Variants in GALNT17 observed in about 807,000 individuals in gnomAD.
GALNT17 encodes polypeptide N-acetylgalactosaminyltransferase 17, also known as UDP-GalNAc:polypeptide N-acetylgalactosaminyltransferase-like 3.
In GALNT17, 29 loss-of-function variants were observed where a neutral mutation model predicts 63.7. That is an observed-to-expected ratio of 0.46 (90% CI 0.34 to 0.62). GALNT17 has a LOEUF of 0.62. Ranked by LOEUF, GALNT17 falls within the 20% of genes least tolerant of loss-of-function variation. GALNT17 has a pLI of 0.01. For missense variants in GALNT17, 603 were observed against 799.6 expected (o/e 0.75, Z 2.97); for synonymous variants, 305 against 318.3 (o/e 0.96, Z 0.45).
chr7:71,566,926 T>A (rs1238711563), intron 5 of GALNT17, among the ~76,000 whole-genome samples: 1 of 152,094 alleles, frequency 6.6e-6, no homozygotes. Flanking sequence ...TGCCTCCTCC[T>A]TCTGCTCAAT....
At chr7:71,484,013 G>T (rs1207526945) in intron 5 of GALNT17, among the ~76,000 whole-genome samples, 1 of 152,114 alleles carries the variant, frequency 6.6e-6, no homozygotes, top group South Asian at 2.1e-4. Context: ...AATAACACAC[G>T]CATGGAGCTG....
rs553210511 is a variant in GALNT17 at position 71,538,972 on chromosome 7, T to C, written c.963-32313T>C. Reference sequence around the variant, plus strand: ...TGTTTGTTTTTGAGGAGTCTCACTCTGTCGCCCAGGCTGGAGTGCAGTGGC... The same window carrying C: ...TGTTTGTTTTTGAGGAGTCTCACTCCGTCGCCCAGGCTGGAGTGCAGTGGC... On this transcript the variant is annotated intron_variant, in intron 5 of 10. Coordinates refer to ENST00000333538, the MANE Select transcript of GALNT17 (RefSeq NM_022479.3). Among the ~76,000 whole-genome samples, 4 of 152,154 alleles carry C rather than the reference T, an allele frequency of 2.6e-5. 1 individual carries two copies. In the South Asian group the frequency reaches 8.3e-4, roughly 32 times the overall value.
At chr7:71,571,018 CAG>C (rs944318649) in intron 5 of GALNT17, among the ~76,000 whole-genome samples, 3 of 152,088 alleles carry the variant, frequency 2.0e-5, no homozygotes, top group African/African-American at 7.2e-5. Flanking sequence ...TACAGAGTAA[CAG>C]AGAGAGGAGG....
At chr7:71,379,350 T>C (rs181927749) in intron 2 of GALNT17, among the ~76,000 whole-genome samples, 312 of 152,056 alleles carry the variant, frequency 2.1e-3, no homozygotes, top group Non-Finnish European at 3.6e-3. Context: ...CAGAGGAATT[T>C]AAACCTAATT....
intron 1 of GALNT17, among the ~76,000 whole-genome samples, chr7:71,329,970 CGT>C (rs1238823014): frequency 2.8e-5 from 4 of 144,676 alleles, no homozygotes; most frequent in African/African-American, 5.2e-5. Context: ...TATATATATA[CGT>C]ATATGTGTGT....
intron 3 of GALNT17, among the ~76,000 whole-genome samples, chr7:71,389,685 C>T (rs1435084747): frequency 6.6e-6 from 1 of 152,106 alleles, no homozygotes; most frequent in Non-Finnish European, 1.5e-5. Context: ...ATTCCTCCTC[C>T]ACTCCCCACC....
chr7:71,166,178 T>G (rs551610691), intron 1 of GALNT17, among the ~76,000 whole-genome samples: 2 of 152,234 alleles, frequency 1.3e-5, no homozygotes, highest in Non-Finnish European at 2.9e-5. Context: ...AGCAGCCTTG[T>G]AGCGCTAAAG....
intron 9 of GALNT17, among the ~76,000 whole-genome samples, chr7:71,698,123 C>CAAAAAAAAAAAAAAAAAAAA (rs10708106): frequency 9.3e-6 from 1 of 107,760 alleles, no homozygotes; most frequent in African/African-American, 3.3e-5. Flanking sequence ...GACTCTGTCT[C>CAAAAAAAAAAAAAAAAAAAA]AAAAAAAAAA....
intron 4 of GALNT17, among the ~76,000 whole-genome samples, chr7:71,417,247 A>G (rs1047425578): frequency 6.6e-6 from 1 of 152,212 alleles, no homozygotes; most frequent in Admixed American, 6.5e-5. Context: ...TTCATTTGCA[A>G]CAACCTCTAG....
intron 1 of GALNT17, among the ~76,000 whole-genome samples, chr7:71,288,890 A>G (rs1218961671): frequency 2.0e-5 from 3 of 152,142 alleles, no homozygotes; most frequent in African/African-American, 7.2e-5. Flanking sequence ...TCTTTAGGTG[A>G]TGTATTTAAA....
At chr7:71,602,879 A>T (rs1342226243) in intron 6 of GALNT17, among the ~76,000 whole-genome samples, 1 of 151,862 alleles carries the variant, frequency 6.6e-6, no homozygotes, top group African/African-American at 2.4e-5. Flanking sequence ...CCAAGTGCAT[A>T]TACTGGGTAC....
intron 1 of GALNT17, among the ~76,000 whole-genome samples, chr7:71,221,036 G>A (rs979556688): frequency 2.0e-5 from 3 of 152,130 alleles, no homozygotes; most frequent in African/African-American, 4.8e-5. Context: ...TGCATGCTGG[G>A]CGCTGAGCCT....
intron 1 of GALNT17, among the ~76,000 whole-genome samples, chr7:71,141,843 T>G (rs1167976752): frequency 6.5e-5 from 3 of 46,492 alleles, no homozygotes; most frequent in Non-Finnish European, 1.4e-4. Context: ...CGTCTGGCTG[T>G]GTGTGTGTGT....
intron 2 of GALNT17, 117 bp downstream of exon 2, chr7:71,335,850 GT>G: frequency 1.1e-6 from 1 of 925,992 alleles, no homozygotes; most frequent in Admixed American, 3.7e-5. Context: ...TTTTATTTTA[GT>G]TTCCTCTTTA....
At position 71,658,199 on chromosome 7, in the gene GALNT17, G is replaced by A. The variant is rs150126227; in HGVS notation, c.1081-7212G>A. Among the ~76,000 whole-genome samples the A allele has an allele frequency of 3.5e-4, 53 of 152,260 alleles. No homozygotes were observed. In the East Asian group the frequency reaches 5.4e-3, roughly 16 times the overall value. On this transcript the variant is annotated intron_variant, in intron 6 of 10. Coordinates refer to ENST00000333538, the MANE Select transcript of GALNT17 (RefSeq NM_022479.3). ...TGGGATTCCAGTCATATGCCACTGC[G>A]CTGGGCCTAGTGAAAGTGTTTAGTA...
intron 1 of GALNT17, among the ~76,000 whole-genome samples, chr7:71,320,154 C>T (rs1465041523): frequency 6.6e-6 from 1 of 152,152 alleles, no homozygotes; most frequent in Non-Finnish European, 1.5e-5. Flanking sequence ...GCCCTCTTCA[C>T]ATGCATACTC....
At chr7:71,231,612 G>A (rs1789789576) in intron 1 of GALNT17, among the ~76,000 whole-genome samples, 1 of 151,970 alleles carries the variant, frequency 6.6e-6, no homozygotes, top group Admixed American at 6.6e-5. Context: ...GTCAGATACT[G>A]GTGAGGGCTC....
At chr7:71,634,773 A>C (rs1790505736) in intron 6 of GALNT17, among the ~76,000 whole-genome samples, 1 of 151,618 alleles carries the variant, frequency 6.6e-6, no homozygotes, top group Non-Finnish European at 1.5e-5. Flanking sequence ...AAAAAAGAAA[A>C]AAGAAAAAGA....
intron 2 of GALNT17, among the ~76,000 whole-genome samples, chr7:71,344,239 A>G (rs1792052787): frequency 6.6e-6 from 1 of 152,150 alleles, no homozygotes; most frequent in South Asian, 2.1e-4. Context: ...CAGCAAGTGC[A>G]ATGATAAGTA....
Sources: allele counts gnomAD v4.1 joint callset (sites outside exome capture counted in the v4.1 genomes callset), GRCh38; gene constraint gnomAD v4.1.1; transcripts MANE v1.5; gene names NCBI Gene and HGNC (gene_info 2026-07-23, HGNC 2026-07-21).